The following ADGRD1 variants were observed in gnomAD, a reference collection of about 807,000 sequenced individuals.
ADGRD1 encodes adhesion G protein-coupled receptor D1, also known as G-protein coupled receptor 133.
A neutral mutation model predicts 113.4 loss-of-function variants in ADGRD1; 77 were observed. That is an observed-to-expected ratio of 0.68 (90% CI 0.57 to 0.82). The LOEUF (loss-of-function observed/expected upper bound fraction) is 0.82. Among genes scored for constraint, ADGRD1 ranks in the 40% least tolerant of loss-of-function variants. The probability of loss-of-function intolerance (pLI) is 0.00; values close to 1 mark genes in which losing one functional copy is unlikely to be tolerated. For synonymous variants in ADGRD1, 474 were observed against 475.0 expected, an observed-to-expected ratio of 1.00 and a Z score of 0.03; for missense variants, 1,036 against 1,139.1, an observed-to-expected ratio of 0.91 and a Z score of 1.30.
chr12:131,018,732 C>T (rs1011828504), intron 13 of ADGRD1, among the ~76,000 whole-genome samples: 22 of 152,328 alleles, frequency 1.4e-4, no homozygotes, highest in African/African-American at 5.3e-4. Context: ...TTAGTGGCAC[C>T]CCTGGATCGT....
intron 13 of ADGRD1, among the ~76,000 whole-genome samples, chr12:131,029,127 T>G (rs1164893561): frequency 2.0e-5 from 3 of 152,256 alleles, no homozygotes; most frequent in Admixed American, 1.3e-4. Context: ...AACCACCTTC[T>G]TTCCTGATTT....
intron 4 of ADGRD1, among the ~76,000 whole-genome samples, chr12:130,973,667 C>G (rs1871956898): frequency 6.6e-6 from 1 of 152,198 alleles, no homozygotes; most frequent in African/African-American, 2.4e-5. Flanking sequence ...ATGAGACACA[C>G]AAGAACATGG....
chr12:131,102,412 A>C (rs562206252), intron 15 of ADGRD1, among the ~76,000 whole-genome samples: 6 of 152,192 alleles, frequency 3.9e-5, no homozygotes, highest in African/African-American at 1.4e-4. Context: ...ATGAGTGCCT[A>C]CCCCTCCCAC....
rs760071012 is a variant in ADGRD1 at position 131,014,238 on chromosome 12, C to T, written c.1371C>T (p.Phe457=). The T allele has an allele frequency of 3.7e-5, 59 of 1,614,026 alleles. No homozygotes were observed. The East Asian group carries it at 5.8e-4, about 16-fold the overall frequency. Residue 457 remains phenylalanine, a synonymous_variant, in exon 13 of 25, where the codon TTC becomes TTT. Coordinates refer to ENST00000261654, the MANE Select transcript of ADGRD1 (RefSeq NM_198827.5). ...EAMHHQDCLL[F]ATSHLISLEV... ...TGCATCACCAGGACTGCCTGCTGTT[C>T]GCCACCAGCCACCTGATTTCCCTGG...
chr12:131,118,644 T>C (rs1351009417), intron 19 of ADGRD1, among the ~76,000 whole-genome samples, 193 bp downstream of exon 19: 1 of 152,114 alleles, frequency 6.6e-6, no homozygotes, highest in Non-Finnish European at 1.5e-5. Context: ...GCTCTGGACA[T>C]TTTGGGGCCT....
intron 3 of ADGRD1, chr12:130,968,799 A>G (rs2136518056): frequency 1.7e-6 from 1 of 589,246 alleles, no homozygotes; most frequent in East Asian, 2.9e-5. Context: ...CGAGCTGCTG[A>G]CCAAAGTAAA....
At position 131,014,238 on chromosome 12, in the gene ADGRD1, C is replaced by G; in HGVS notation, c.1371C>G (p.Phe457Leu). The G allele has an allele frequency of 1.2e-6, 2 of 1,614,144 alleles. No individual in the cohort carries two copies. Among genetic ancestry groups the G allele is most frequent in the Non-Finnish European group, 1.7e-6 (2 of 1,179,982 alleles). Residue 457 changes from phenylalanine to leucine, a missense_variant, in exon 13 of 25, where the codon TTC (phenylalanine) becomes TTG (leucine). Transcript: ENST00000261654. ...EAMHHQDCLL[F>L]ATSHLISLEV... ...TGCATCACCAGGACTGCCTGCTGTTCGCCACCAGCCACCTGATTTCCCTGG... is the reference window on the plus strand; with the variant it reads ...TGCATCACCAGGACTGCCTGCTGTTGGCCACCAGCCACCTGATTTCCCTGG...
Position 130,975,243 on chromosome 12 carries a change from T to C in ADGRD1, c.310+3663T>C, listed in dbSNP as rs541035374. Among the ~76,000 whole-genome samples the C allele has an allele frequency of 1.2e-4, 18 of 152,310 alleles. No individual in the cohort carries two copies. In the South Asian group the frequency reaches 3.5e-3, roughly 30 times the overall value. ...GAGCTCCAGTCCAGGTGAGTTCCTC[T>C]GTCTCATGCCCTTATTGCTCCCCCT... On this transcript the variant is annotated intron_variant, in intron 4 of 24. Coordinates refer to ENST00000261654, the MANE Select transcript of ADGRD1 (RefSeq NM_198827.5).
At chr12:131,087,419 G>T (rs978292852) in intron 15 of ADGRD1, among the ~76,000 whole-genome samples, 11 of 152,160 alleles carry the variant, frequency 7.2e-5, no homozygotes, top group South Asian at 2.1e-4. Flanking sequence ...ACAGGGGACC[G>T]GCAGCCTCCT....
chr12:130,978,572 C>G (rs12301075), intron 4 of ADGRD1: 1 of 151,994 alleles, frequency 6.6e-6, no homozygotes, highest in Non-Finnish European at 1.5e-5. Flanking sequence ...TCTATGAAGA[C>G]GTGAATTGAT....
At position 131,060,825 on chromosome 12, in the gene ADGRD1, G is replaced by A. The variant is rs1884256267; in HGVS notation, c.1474-15976G>A. On this transcript the variant is annotated intron_variant, in intron 13 of 24. Transcript: ENST00000261654. The surrounding 1 kb of genome is among the most constrained non-coding windows in gnomAD (Gnocchi z 4.4). Reference sequence around the variant, plus strand: ...GGAGATCCCATTGCCTGGATTCTCAGGCAACCCTTCTTCTCCTTGACCCTT... The same window carrying A: ...GGAGATCCCATTGCCTGGATTCTCAAGCAACCCTTCTTCTCCTTGACCCTT... Among the ~76,000 whole-genome samples the A allele has an allele frequency of 6.6e-6, 1 of 152,056 alleles. No individual in the cohort carries two copies. Among genetic ancestry groups the A allele is most frequent in the East Asian group, 1.9e-4 (1 of 5,186 alleles).
rs528147075 is a variant in ADGRD1 at position 131,019,000 on chromosome 12, C to T, written c.1473+4660C>T. 1.2e-4 allele frequency among the ~76,000 whole-genome samples: 18 copies of T among 152,328 alleles called. No individual in the cohort carries two copies. In the South Asian group the frequency reaches 1.2e-3, roughly 11 times the overall value. ...GCCGGGGCACAGACTCGTAGGCCTCCGGTTCAGAACAGCCGTGGTGGCCCA... is the reference window on the plus strand; with the variant it reads ...GCCGGGGCACAGACTCGTAGGCCTCTGGTTCAGAACAGCCGTGGTGGCCCA... On this transcript the variant is annotated intron_variant, in intron 13 of 24. Transcript: ENST00000261654.
intron 15 of ADGRD1, among the ~76,000 whole-genome samples, chr12:131,097,561 C>A (rs565677467): frequency 6.6e-6 from 1 of 152,216 alleles, no homozygotes; most frequent in Admixed American, 6.5e-5. Context: ...CGGCTGCCTA[C>A]GGCCAGGGAT....
chr12:131,133,971 C>T (rs1455901868), intron 21 of ADGRD1, among the ~76,000 whole-genome samples: 1 of 152,200 alleles, frequency 6.6e-6, no homozygotes, highest in Admixed American at 6.5e-5. Flanking sequence ...CTTTCACTTC[C>T]CTGCCACCCC....
chr12:131,104,805 T>C, intron 15 of ADGRD1, 26 bp from the exon 16 acceptor site: 4 of 1,517,020 alleles, frequency 2.6e-6, no homozygotes, highest in Non-Finnish European at 3.6e-6. Flanking sequence ...GGCCTGCTGC[T>C]GACGCCTCTG....
chr12:131,020,850 C>T (rs967707373), intron 13 of ADGRD1, among the ~76,000 whole-genome samples: 3 of 152,212 alleles, frequency 2.0e-5, no homozygotes, highest in African/African-American at 2.4e-5. Flanking sequence ...AGGGTGCCTT[C>T]GGGCTGGGTT....
intron 13 of ADGRD1, among the ~76,000 whole-genome samples, chr12:131,018,218 C>G (rs1315797695): frequency 5.3e-5 from 8 of 152,232 alleles, no homozygotes; most frequent in Admixed American, 2.0e-4. Context: ...TCCCACTCCT[C>G]CAGCTCCCAG....
rs1214782173 is a variant in ADGRD1 at position 131,104,862 on chromosome 12, C to T, written c.1703C>T (p.Ser568Phe). 2.6e-6 allele frequency: 4 copies of T among 1,550,304 alleles called. No individual in the cohort carries two copies. Among genetic ancestry groups the T allele is most frequent in the African/African-American group, 1.4e-5 (1 of 73,060 alleles). Residue 568 changes from serine to phenylalanine, a missense_variant, in exon 16 of 25, where the codon TCT (serine) becomes TTT (phenylalanine). Ser to Phe is a radical substitution (Grantham distance 155, BLOSUM62 -2). Coordinates refer to ENST00000261654, the MANE Select transcript of ADGRD1 (RefSeq NM_198827.5). The part of the protein sequence containing the change: ...LARGHQVALS[S>F]ISYVGCSLSV... The stretch of plus-strand genomic sequence containing the variant: ...CGCGGACACCAGGTGGCGCTGTCGT[C>T]TATCAGCTATGTGGGCTGCTCCCTC...
chr12:131,040,339 C>G (rs1412250313), intron 13 of ADGRD1, among the ~76,000 whole-genome samples: 1 of 152,200 alleles, frequency 6.6e-6, no homozygotes, highest in African/African-American at 2.4e-5. Flanking sequence ...AAAAAGAACA[C>G]AGGGTGAATC....
Sources: allele counts gnomAD v4.1 joint callset (sites outside exome capture counted in the v4.1 genomes callset), GRCh38; gene constraint gnomAD v4.1.1; non-coding constraint Gnocchi (gnomAD v3.1); transcripts MANE v1.5; gene names NCBI Gene and HGNC (gene_info 2026-07-23, HGNC 2026-07-21).